The following PLCH1 variants were observed in gnomAD, a reference collection of about 807,000 sequenced individuals.
PLCH1 encodes the protein 1-phosphatidylinositol 4,5-bisphosphate phosphodiesterase eta-1.
A neutral mutation model predicts 126.7 loss-of-function variants in PLCH1; 60 were observed. That is an observed-to-expected ratio of 0.47 (90% CI 0.38 to 0.59). PLCH1 has a LOEUF of 0.59. Among genes scored for constraint, PLCH1 ranks in the 20% least tolerant of loss-of-function variants. PLCH1 has a pLI of 0.00. For missense variants in PLCH1, 1,723 were observed against 2,040.0 expected (o/e 0.84, Z 2.99); for synonymous variants, 719 against 734.9 (o/e 0.98, Z 0.35).
chr3:155,713,395 T>C (rs1399482199), intron 1 of PLCH1, among the ~76,000 whole-genome samples: 1 of 152,150 alleles, frequency 6.6e-6, no homozygotes, highest in Non-Finnish European at 1.5e-5. Flanking sequence ...GGGTATAAGA[T>C]GGTGGATGGC....
chr3:155,690,432 G>C (rs1309026359), intron 2 of PLCH1, among the ~76,000 whole-genome samples: 1 of 152,154 alleles, frequency 6.6e-6, no homozygotes, highest in African/African-American at 2.4e-5. Flanking sequence ...CTGAAGCCTG[G>C]CTATGGGTTT....
intron 1 of PLCH1, among the ~76,000 whole-genome samples, chr3:155,738,402 G>A (rs1749358624): frequency 6.6e-6 from 1 of 152,188 alleles, no homozygotes. Context: ...AACACTTTGG[G>A]AGGTAGAGGT....
At chr3:155,587,145 A>G (rs1408629088) in intron 4 of PLCH1, among the ~76,000 whole-genome samples, 1 of 152,188 alleles carries the variant, frequency 6.6e-6, no homozygotes, top group Non-Finnish European at 1.5e-5. Flanking sequence ...TTTATGAGGC[A>G]TACAGATGGC....
intron 18 of PLCH1, among the ~76,000 whole-genome samples, chr3:155,492,270 A>G (rs1353217684): frequency 6.6e-6 from 1 of 152,220 alleles, no homozygotes; most frequent in African/African-American, 2.4e-5. Flanking sequence ...GCAGATGAAG[A>G]CATTTTAAAA....
intron 10 of PLCH1, among the ~76,000 whole-genome samples, chr3:155,532,911 G>T (rs1230000836): frequency 6.6e-6 from 1 of 152,242 alleles, no homozygotes; most frequent in Non-Finnish European, 1.5e-5. Context: ...GTAACAGACA[G>T]AGGTTGGAAC....
chr3:155,473,439 CG>C lies in PLCH1; in HGVS notation c.2938+11916del, dbSNP rs530057741. ...GGAAATAAAAGAGGATACAAACAAA[CG>C]GAAGAACATTCCATGCTCATGGGTA... On this transcript the variant is annotated intron_variant, in intron 21 of 21. Coordinates refer to the PLCH1 transcript ENST00000494598. 6.7e-3 allele frequency among the ~76,000 whole-genome samples: 1,008 copies of C among 151,506 alleles called. 8 individuals are homozygous for C. Among genetic ancestry groups the C allele is most frequent in the African/African-American group, 0.023 (962 of 41,182 alleles).
At chr3:155,522,970 G>C (rs1721330700) in intron 11 of PLCH1, among the ~76,000 whole-genome samples, 1 of 148,276 alleles carries the variant, frequency 6.7e-6, no homozygotes, top group Admixed American at 6.7e-5. Flanking sequence ...TTGCGGGGGG[G>C]GTGGGGTGTG....
intron 1 of PLCH1, among the ~76,000 whole-genome samples, chr3:155,722,111 TTTTGA>T (rs1001122125): frequency 3.3e-5 from 5 of 152,080 alleles, no homozygotes; most frequent in South Asian, 2.1e-4. Context: ...GGAGGAAGGC[TTTTGA>T]TTTTTCTCCA....
intron 1 of PLCH1, among the ~76,000 whole-genome samples, chr3:155,727,409 A>G (rs1223803098): frequency 7.0e-6 from 1 of 143,436 alleles, no homozygotes; most frequent in Non-Finnish European, 1.5e-5. Context: ...TTTTTTTGAG[A>G]TGGAGTCTCA....
chr3:155,494,228 C>T lies in PLCH1; in HGVS notation c.2095G>A (p.Glu699Lys). 6.2e-7 allele frequency: 1 copy of T among 1,614,028 alleles called. No individual in the cohort carries two copies. The highest frequency in any genetic ancestry group is 8.5e-7 in the Non-Finnish European group (1 of 1,179,928). ...CQLVALNYQSEGRMMQLNRAK... is the reference protein window; with the variant it reads ...CQLVALNYQSKGRMMQLNRAK... The stretch of plus-strand genomic sequence containing the variant: ...CGGTTTAACTGCATCATTCGTCCTT[C>T]AGATTGATAATTCAGTGCCACTGTG... Residue 699 changes from glutamate (E) to lysine (K), a missense_variant, in exon 17 of 23, where the codon GAA becomes AAA. By Grantham distance (56) the Glu-to-Lys change is moderately conservative. Transcript: ENST00000460012.
At chr3:155,603,925 T>C (rs956089854) in intron 2 of PLCH1, among the ~76,000 whole-genome samples, 20 of 152,180 alleles carry the variant, frequency 1.3e-4, no homozygotes, top group Admixed American at 5.9e-4. Flanking sequence ...TAGGGAGACC[T>C]GGTCTCTACA....
At chr3:155,612,664 A>G (rs1210850792) in intron 2 of PLCH1, among the ~76,000 whole-genome samples, 1 of 152,108 alleles carries the variant, frequency 6.6e-6, no homozygotes, top group East Asian at 1.9e-4. Context: ...TAATCCCAGT[A>G]CTTCGGGAGG....
intron 9 of PLCH1, among the ~76,000 whole-genome samples, chr3:155,553,525 G>A (rs1012112749): frequency 5.3e-5 from 8 of 152,008 alleles, no homozygotes; most frequent in African/African-American, 1.9e-4. Context: ...AACCATTAGA[G>A]GAATGAGGAA....
rs1469778234 is a variant in PLCH1, at chr3:155,494,433, T to G, written c.1979A>C (p.Asn660Thr). Reference protein sequence around the residue: ...QQKSEQFMIYNQKQLTRIYPS... With the variant: ...QQKSEQFMIYTQKQLTRIYPS... ...GTAAATCCTCGTGAGTTGCTTTTGA[T>G]TATAAATCATGAACTGCTCTGATTT... Residue 660 changes from asparagine (N) to threonine (T), a missense_variant, in exon 16 of 23, where the codon AAT becomes ACT. Asn to Thr is a moderately conservative substitution (Grantham distance 65, BLOSUM62 0). Coordinates refer to ENST00000460012, the MANE Select transcript of PLCH1 (RefSeq NM_014996.4). The G allele has an allele frequency of 6.2e-7, 1 of 1,613,996 alleles. No homozygotes were observed.
intron 2 of PLCH1, among the ~76,000 whole-genome samples, chr3:155,687,249 T>G (rs553642814): frequency 3.9e-5 from 6 of 152,176 alleles, no homozygotes; most frequent in Non-Finnish European, 8.8e-5. Flanking sequence ...TCAAAAGTAT[T>G]TTAATTTTCT....
At chr3:155,702,844 TGA>T (rs1255324662) in intron 2 of PLCH1, among the ~76,000 whole-genome samples, 1 of 152,140 alleles carries the variant, frequency 6.6e-6, no homozygotes. Context: ...AAACACTGCA[TGA>T]GAGATAAAGC....
At position 155,526,489 on chromosome 3, in the gene PLCH1, TACACACACACAC is replaced by T. The variant is rs35144196; in HGVS notation, c.1363-2497_1363-2486del. On this transcript the variant is annotated intron_variant, in intron 10 of 22. Coordinates refer to ENST00000460012, the MANE Select transcript of PLCH1 (RefSeq NM_014996.4). ...TTCTCTCTTCTTTCTCTCTCTCTCATACACACACACACACACACACACACACACACACACACA... is the reference window on the plus strand; with the variant it reads ...TTCTCTCTTCTTTCTCTCTCTCTCATACACACACACACACACACACACACA... Among the ~76,000 whole-genome samples, 94 of 126,666 alleles carry T rather than the reference TACACACACACAC, an allele frequency of 7.4e-4. 2 individuals carry two copies. Among genetic ancestry groups the T allele is most frequent in the African/African-American group, 2.3e-3 (82 of 35,404 alleles). The allele number at this position is 126,666 out of a possible 152,430, so 83.1% of individuals were successfully genotyped here.
At chr3:155,595,069 G>T (rs189884259) in intron 3 of PLCH1, among the ~76,000 whole-genome samples, 2 of 152,310 alleles carry the variant, frequency 1.3e-5, no homozygotes, top group East Asian at 3.9e-4. Context: ...GGCAGAAACA[G>T]ATATAGAAAG....
chr3:155,556,717 A>C (rs989939920), intron 8 of PLCH1, among the ~76,000 whole-genome samples: 9 of 152,226 alleles, frequency 5.9e-5, no homozygotes, highest in Non-Finnish European at 1.2e-4. Flanking sequence ...TTAAGAGCAA[A>C]GACTGAGGTT....
Sources: gnomAD v4.1 joint callset for allele counts (sites outside exome capture counted in the v4.1 genomes callset) on GRCh38, gnomAD v4.1.1 for gene constraint, MANE v1.5 for transcripts, NCBI Gene and HGNC (gene_info 2026-07-23, HGNC 2026-07-21) for gene names.